The following IGSF10 variants were observed in gnomAD, a reference collection of about 807,000 sequenced individuals.
IGSF10 encodes calvaria mechanical force protein 608.
Under a neutral mutation model 128.2 loss-of-function variants are expected in IGSF10, and 126 were observed. The ratio of observed to expected loss-of-function variants is 0.98; its 90% CI spans 0.85 to 1.14. IGSF10 has a LOEUF of 1.14. Ranked by LOEUF, IGSF10 falls within the 50% of genes most tolerant of loss-of-function variation. The pLI is 0.00. For missense variants in IGSF10, 3,295 were observed against 3,149.8 expected (o/e 1.05, Z -1.10); for synonymous variants, 1,185 against 1,146.2 (o/e 1.03, Z -0.68).
the IGSF10 span, among the ~76,000 whole-genome samples, chr3:151,579,617 CAGAGA>C: frequency 6.6e-6 from 1 of 151,172 alleles, no homozygotes; most frequent in Admixed American, 6.6e-5. Flanking sequence ...AAAAAACTGC[CAGAGA>C]ATTCAAAAAC....
the IGSF10 span, among the ~76,000 whole-genome samples, chr3:151,539,289 A>G: frequency 1.3e-5 from 2 of 152,200 alleles, no homozygotes; most frequent in Non-Finnish European, 2.9e-5. Context: ...GACCAGATGC[A>G]GACGTGAACT....
At chr3:151,547,243 T>A in the IGSF10 span, among the ~76,000 whole-genome samples, 11 of 152,160 alleles carry the variant, frequency 7.2e-5, no homozygotes, top group Non-Finnish European at 1.5e-4. Flanking sequence ...TCCTTTTTAA[T>A]AGTTTTCATT....
the IGSF10 span, among the ~76,000 whole-genome samples, chr3:151,614,892 TAAAA>T: frequency 8.1e-6 from 1 of 123,306 alleles, no homozygotes; most frequent in Non-Finnish European, 1.8e-5. Flanking sequence ...ACAGAAACAG[TAAAA>T]AAAAAAAAAA....
chr3:151,547,429 TACAC>T, the IGSF10 span, among the ~76,000 whole-genome samples: 3,402 of 146,928 alleles, frequency 0.023, 128 homozygotes, highest in African/African-American at 0.08. Flanking sequence ...AATATATATA[TACAC>T]ACACACACAC....
the IGSF10 span, among the ~76,000 whole-genome samples, chr3:151,491,762 A>C: frequency 2.0e-5 from 3 of 152,156 alleles, no homozygotes; most frequent in Non-Finnish European, 4.4e-5. Context: ...CGCTTCCAAA[A>C]ATAGAGCCAG....
At chr3:151,512,205 T>C in the IGSF10 span, among the ~76,000 whole-genome samples, 1 of 152,120 alleles carries the variant, frequency 6.6e-6, no homozygotes, top group Non-Finnish European at 1.5e-5. Flanking sequence ...ATTGACCACA[T>C]AGTTGGAAGT....
chr3:151,463,814 C>A (rs534685666), upstream of IGSF10, among the ~76,000 whole-genome samples: 2 of 151,542 alleles, frequency 1.3e-5, no homozygotes, highest in East Asian at 1.9e-4. Flanking sequence ...GGTGAAACCC[C>A]GTCTCTACAA....
At chr3:151,433,785 G>A (rs1174945857), downstream of IGSF10, 1 of 152,570 alleles carries the variant, frequency 6.6e-6, no homozygotes, top group Non-Finnish European at 1.5e-5. Context: ...TGTATTTGCT[G>A]TTTATTTTGT....
At chr3:151,479,279 G>T in the IGSF10 span, among the ~76,000 whole-genome samples, 2 of 152,068 alleles carry the variant, frequency 1.3e-5, no homozygotes, top group East Asian at 1.9e-4. Context: ...TGAGAAAAAT[G>T]GTTGGAAACT....
chr3:151,502,506 A>AT, the IGSF10 span, among the ~76,000 whole-genome samples: 1 of 152,042 alleles, frequency 6.6e-6, no homozygotes, highest in Non-Finnish European at 1.5e-5. Context: ...CTCTCCATAG[A>AT]TTTTGCCACA....
the IGSF10 span, among the ~76,000 whole-genome samples, chr3:151,562,312 C>T: frequency 6.6e-6 from 1 of 152,028 alleles, no homozygotes; most frequent in African/African-American, 2.4e-5. Flanking sequence ...ATTAATAATC[C>T]ACCCCTTGTT....
chr3:151,468,969 T>C, the IGSF10 span, among the ~76,000 whole-genome samples: 2 of 152,220 alleles, frequency 1.3e-5, no homozygotes, highest in African/African-American at 4.8e-5. Context: ...CTCCCACTTA[T>C]AAATGAGAAC....
chr3:151,531,296 G>A, the IGSF10 span, among the ~76,000 whole-genome samples: 8 of 152,086 alleles, frequency 5.3e-5, no homozygotes, highest in Admixed American at 5.2e-4. Context: ...AGTTAACAAG[G>A]ATATCCAGGA....
chr3:151,468,657 A>G, the IGSF10 span, among the ~76,000 whole-genome samples: 2 of 152,246 alleles, frequency 1.3e-5, no homozygotes, highest in Non-Finnish European at 2.9e-5. Context: ...GAGCTATTCT[A>G]TCTACCATAA....
the IGSF10 span, among the ~76,000 whole-genome samples, chr3:151,479,632 T>C: frequency 6.6e-6 from 1 of 152,170 alleles, no homozygotes; most frequent in Admixed American, 6.5e-5. Context: ...TCTACTAAAG[T>C]GAAACACAGA....
chr3:151,435,702 GATCA>G (rs146402205), downstream of IGSF10: 1 of 152,126 alleles, frequency 6.6e-6, no homozygotes, highest in Non-Finnish European at 1.5e-5. Flanking sequence ...ATTTAGATAA[GATCA>G]ATCATTTAAT....
chr3:151,578,692 A>G, the IGSF10 span, among the ~76,000 whole-genome samples: 1 of 152,214 alleles, frequency 6.6e-6, no homozygotes, highest in Admixed American at 6.5e-5. Flanking sequence ...TGAAACAAAC[A>G]CTTTAAGCCA....
chr3:151,505,489 T>C, the IGSF10 span, among the ~76,000 whole-genome samples: 5 of 152,248 alleles, frequency 3.3e-5, no homozygotes, highest in African/African-American at 1.2e-4. Flanking sequence ...TTGACTAATA[T>C]AATAGAACTG....
At chr3:151,527,949 T>C in the IGSF10 span, among the ~76,000 whole-genome samples, 1 of 118,958 alleles carries the variant, frequency 8.4e-6, no homozygotes, top group Non-Finnish European at 1.7e-5. Flanking sequence ...CAAGATCCTG[T>C]CTTGAAGAAA....
Sources: gnomAD v4.1 joint callset for allele counts (sites outside exome capture counted in the v4.1 genomes callset) on GRCh38, gnomAD v4.1.1 for gene constraint, MANE v1.5 for transcripts, NCBI Gene and HGNC (gene_info 2026-07-23, HGNC 2026-07-21) for gene names.